PTPRG: variants seen among roughly 807,000 people sequenced by gnomAD.
The protein encoded by PTPRG is protein tyrosine phosphatase receptor type G.
In PTPRG, 102 loss-of-function variants were observed where a neutral mutation model predicts 165.3. The observed-to-expected ratio is 0.62, with a 90% confidence interval of 0.53 to 0.73. The LOEUF (loss-of-function observed/expected upper bound fraction) is 0.73, where lower values mean the gene tolerates loss of function less well. Ranked by LOEUF, PTPRG falls within the 30% of genes least tolerant of loss-of-function variation. The pLI is 0.00. For missense variants in PTPRG, 1,866 were observed against 1,861.4 expected, an observed-to-expected ratio of 1.00 and a Z score of -0.05; for synonymous variants, 675 against 669.5, an observed-to-expected ratio of 1.01 and a Z score of -0.13.
At chr3:61,921,232 CTTTTA>C (rs2039071853) in intron 2 of PTPRG, among the ~76,000 whole-genome samples, 1 of 151,352 alleles carries the variant, frequency 6.6e-6, no homozygotes, top group African/African-American at 2.4e-5. Context: ...GTCTTATTTT[CTTTTA>C]TTTTAATTTA....
intron 2 of PTPRG, among the ~76,000 whole-genome samples, chr3:61,906,762 A>G (rs1251419588): frequency 6.6e-6 from 1 of 150,824 alleles, no homozygotes; most frequent in East Asian, 2.0e-4. Flanking sequence ...CTGGGCTGGG[A>G]GACAGAGTGA....
chr3:61,674,343 C>T (rs1403396961), intron 1 of PTPRG, among the ~76,000 whole-genome samples: 5 of 151,754 alleles, frequency 3.3e-5, no homozygotes, highest in African/African-American at 1.2e-4. Flanking sequence ...TGTTTAAAGC[C>T]ATATTGGTTA....
intron 14 of PTPRG, among the ~76,000 whole-genome samples, chr3:62,239,585 G>T (rs557626630): frequency 6.6e-6 from 1 of 151,940 alleles, no homozygotes; most frequent in African/African-American, 2.4e-5. Flanking sequence ...GGCCAGGCTG[G>T]TCTCAAACTT....
At chr3:61,960,275 TGCAACTGTCTG>T (rs2107640665) in intron 2 of PTPRG, among the ~76,000 whole-genome samples, 1 of 152,182 alleles carries the variant, frequency 6.6e-6, no homozygotes, top group South Asian at 2.1e-4. Context: ...CTCTTTAATG[TGCAACTGTCTG>T]GCTGTCATGC....
chr3:61,565,640 G>GAAAAAAAA (rs1699893601), intron 1 of PTPRG, among the ~76,000 whole-genome samples: 11 of 150,040 alleles, frequency 7.3e-5, no homozygotes, highest in Middle Eastern at 3.4e-3. Context: ...TTGTCTTTCG[G>GAAAAAAAA]CCCTCAGAGT....
intron 5 of PTPRG, among the ~76,000 whole-genome samples, chr3:62,105,146 G>A (rs1213543048): frequency 1.3e-5 from 2 of 152,166 alleles, no homozygotes; most frequent in Non-Finnish European, 2.9e-5. Context: ...CATTGCTATA[G>A]CGTGATGTTG....
At chr3:61,748,757 C>A in intron 1 of PTPRG, 121 bp from the exon 2 acceptor site, 2 of 614,638 alleles carry the variant, frequency 3.3e-6, no homozygotes, top group Non-Finnish European at 2.7e-6. Context: ...TAAGTTGGTT[C>A]TAGTCAGTCA....
rs768717099 is a variant in PTPRG at position 62,203,528 on chromosome 3, A to C, written c.1733A>C (p.Glu578Ala). The change falls in exon 12 of 30, where the codon GAG becomes GCG. Residue 578 changes from glutamate to alanine, a missense_variant. Coordinates refer to ENST00000474889, the MANE Select transcript of PTPRG (RefSeq NM_002841.4). This position sits in a 1 kb window ranked among gnomAD's most constrained non-coding sequence, Gnocchi z 6.4. Reference sequence around the variant, plus strand: ...CCAACCAAGGACGGCGAGGGCACCGAGGAAGGAGAGAAGGATGAGAAAAGC... The same window carrying C: ...CCAACCAAGGACGGCGAGGGCACCGCGGAAGGAGAGAAGGATGAGAAAAGC... ...SSPTKDGEGT[E>A]EGEKDEKSES... 7.1e-6 allele frequency: 11 copies of C among 1,555,190 alleles called. No individual in the cohort carries two copies. Among genetic ancestry groups the C allele is most frequent in the Non-Finnish European group, 8.7e-7 (1 of 1,148,740 alleles).
intron 5 of PTPRG, among the ~76,000 whole-genome samples, chr3:62,078,639 A>G (rs923896899): frequency 7.9e-5 from 12 of 152,182 alleles, no homozygotes; most frequent in Non-Finnish European, 8.8e-5. Context: ...AAGTTAATAA[A>G]TAGCATCCGT....
intron 2 of PTPRG, among the ~76,000 whole-genome samples, chr3:61,887,149 TATATATATATATATATATATA>T (rs2038067584): frequency 1.7e-5 from 1 of 58,034 alleles, no homozygotes; most frequent in East Asian, 4.0e-4. Context: ...TATATATATA[TATATATATATATATATATATA>T]TTTTTAATGC....
At chr3:61,591,228 G>A (rs890840880) in intron 1 of PTPRG, among the ~76,000 whole-genome samples, 2 of 152,232 alleles carry the variant, frequency 1.3e-5, no homozygotes, top group Non-Finnish European at 2.9e-5. Context: ...ATTTGGAACT[G>A]TTGGATCATA....
At chr3:61,698,046 T>C (rs529571213) in intron 1 of PTPRG, among the ~76,000 whole-genome samples, 1 of 152,306 alleles carries the variant, frequency 6.6e-6, no homozygotes, top group South Asian at 2.1e-4. Context: ...TCATCAAACA[T>C]AGGCATAAAA....
intron 2 of PTPRG, among the ~76,000 whole-genome samples, chr3:61,785,647 T>C (rs2034672871): frequency 6.6e-6 from 1 of 152,250 alleles, no homozygotes; most frequent in Non-Finnish European, 1.5e-5. Context: ...GAAAATAAAA[T>C]AGGAAATATA....
chr3:61,637,258 C>T (rs1006456899), intron 1 of PTPRG, among the ~76,000 whole-genome samples: 1 of 152,170 alleles, frequency 6.6e-6, no homozygotes, highest in Non-Finnish European at 1.5e-5. Flanking sequence ...TTGTGACATC[C>T]AGCAGCTCAG....
chr3:62,171,463 A>C (rs1263822800), intron 8 of PTPRG, among the ~76,000 whole-genome samples: 3 of 152,200 alleles, frequency 2.0e-5, no homozygotes, highest in Non-Finnish European at 4.4e-5. Flanking sequence ...TAAATGTATA[A>C]TTTGATAATT....
At chr3:61,764,633 T>C (rs2033958295) in intron 2 of PTPRG, among the ~76,000 whole-genome samples, 1 of 152,124 alleles carries the variant, frequency 6.6e-6, no homozygotes, top group African/African-American at 2.4e-5. Context: ...GACTGAGCCT[T>C]GTGGCTATGT....
intron 1 of PTPRG, among the ~76,000 whole-genome samples, chr3:61,639,552 T>G (rs1559535489): frequency 6.6e-6 from 1 of 150,644 alleles, no homozygotes; most frequent in Non-Finnish European, 1.5e-5. Flanking sequence ...GCATGGGAGG[T>G]TTTTCCATTT....
intron 1 of PTPRG, among the ~76,000 whole-genome samples, chr3:61,677,065 T>C (rs1575583407): frequency 6.6e-6 from 1 of 151,788 alleles, no homozygotes; most frequent in Non-Finnish European, 1.5e-5. Context: ...GCCAATATGG[T>C]GAAACCCCAT....
intron 2 of PTPRG, among the ~76,000 whole-genome samples, chr3:61,958,766 A>G (rs1289021562): frequency 6.6e-6 from 1 of 152,166 alleles, no homozygotes; most frequent in African/African-American, 2.4e-5. Context: ...TGCTTGTTGA[A>G]TTGGAGATAG....
Sources: allele counts gnomAD v4.1 joint callset (sites outside exome capture counted in the v4.1 genomes callset), GRCh38; gene constraint gnomAD v4.1.1; non-coding constraint Gnocchi (gnomAD v3.1); transcripts MANE v1.5; gene names NCBI Gene and HGNC (gene_info 2026-07-23, HGNC 2026-07-21).